The following CSMD2 variants were observed in gnomAD, a reference collection of about 807,000 sequenced individuals.
CSMD2 encodes the protein CUB and Sushi multiple domains 2.
Under a neutral mutation model 398.5 loss-of-function variants are expected in CSMD2, and 130 were observed. That is an observed-to-expected ratio of 0.33 (90% CI 0.28 to 0.38). The LOEUF (loss-of-function observed/expected upper bound fraction) is 0.38. Among genes scored for constraint, CSMD2 ranks in the 10% least tolerant of loss-of-function variants. CSMD2 has a pLI of 1.00. For missense variants in CSMD2, 3,829 were observed against 4,764.9 expected, an observed-to-expected ratio of 0.80 and a Z score of 5.78; for synonymous variants, 1,828 against 1,908.5, an observed-to-expected ratio of 0.96 and a Z score of 1.10.
intron 29 of CSMD2, among the ~76,000 whole-genome samples, chr1:33,642,454 A>G (rs967829425): frequency 2.0e-5 from 3 of 152,248 alleles, no homozygotes; most frequent in Admixed American, 1.3e-4. Context: ...ATGGAAAAGC[A>G]AGGAAAATTG....
chr1:33,558,066 G>C, intron 54 of CSMD2, 144 bp from the exon 55 acceptor site: 2 of 661,560 alleles, frequency 3.0e-6, no homozygotes, highest in East Asian at 2.7e-5. Flanking sequence ...TTGGTTACCT[G>C]GTCAGAAGAG....
Position 33,606,729 on chromosome 1 carries a change from G to C in CSMD2, c.6344-1259C>G, listed in dbSNP as rs1019122158. ...AGACGGGGAGAGAAGGAAGGGAGTGGCTGTGTGTGGGAAGCCAGGAGCAGC... is the reference window on the plus strand; with the variant it reads ...AGACGGGGAGAGAAGGAAGGGAGTGCCTGTGTGTGGGAAGCCAGGAGCAGC... On this transcript the variant is annotated intron_variant, in intron 41 of 70. Coordinates refer to ENST00000373381, the MANE Select transcript of CSMD2 (RefSeq NM_001281956.2). Among the ~76,000 whole-genome samples, 19 of 152,198 alleles carry C rather than the reference G, an allele frequency of 1.2e-4. 1 individual carries two copies. The highest frequency in any genetic ancestry group is 1.1e-3 in the Admixed American group (17 of 15,282).
intron 5 of CSMD2, among the ~76,000 whole-genome samples, chr1:33,888,780 G>GTTGTTGTTGTTGTTA (rs1428504730): frequency 6.6e-6 from 1 of 151,914 alleles, no homozygotes; most frequent in Non-Finnish European, 1.5e-5. Context: ...TGTTGTTGTT[G>GTTGTTGTTGTTGTTA]TTGTTGAGAT....
At chr1:34,001,434 C>A (rs552280931) in intron 3 of CSMD2, among the ~76,000 whole-genome samples, 66 of 152,260 alleles carry the variant, frequency 4.3e-4, no homozygotes, top group Non-Finnish European at 8.2e-4. Context: ...GGCAGAAACA[C>A]CAAGCTAAAC....
intron 37 of CSMD2, among the ~76,000 whole-genome samples, chr1:33,621,539 A>G (rs1200971878): frequency 1.2e-4 from 19 of 152,208 alleles, no homozygotes; most frequent in Admixed American, 1.2e-3. Context: ...TTGCCGAATA[A>G]AAGTGTAAAA....
chr1:33,586,415 G>C, intron 46 of CSMD2, 89 bp downstream of exon 46: 1 of 818,534 alleles, frequency 1.2e-6, no homozygotes, highest in African/African-American at 1.7e-5. Context: ...TGACTGAGCT[G>C]AGAACTGGGA....
intron 3 of CSMD2, among the ~76,000 whole-genome samples, chr1:33,969,672 A>AT (rs1370232561): frequency 6.6e-6 from 1 of 152,234 alleles, no homozygotes; most frequent in Non-Finnish European, 1.5e-5. Context: ...AAAGGCAGAA[A>AT]TTCAGTCAGT....
chr1:33,837,262 G>A lies in CSMD2; in HGVS notation c.1033+9622C>T, dbSNP rs181834710. On this transcript the variant is annotated intron_variant, in intron 6 of 70. Transcript: ENST00000373381. ...TGTGAGAGTCAGAGAACAAAGGCAG[G>A]TCTCCAAAACTCCAGAGTGCACTAC... Among the ~76,000 whole-genome samples, 115 of 152,214 alleles carry A rather than the reference G, an allele frequency of 7.6e-4. 1 individual carries two copies. The highest frequency in any genetic ancestry group is 1.4e-3 in the Admixed American group (21 of 15,296).
chr1:33,707,915 T>G (rs1645859770), intron 22 of CSMD2, among the ~76,000 whole-genome samples: 1 of 152,182 alleles, frequency 6.6e-6, no homozygotes, highest in Non-Finnish European at 1.5e-5. Context: ...CTTTTTCCAA[T>G]GTAAGGACTT....
chr1:33,703,877 G>A (rs1645690432), intron 22 of CSMD2, among the ~76,000 whole-genome samples: 1 of 152,170 alleles, frequency 6.6e-6, no homozygotes, highest in Non-Finnish European at 1.5e-5. Flanking sequence ...AATTTGATGA[G>A]TGTAAAGTGG....
intron 64 of CSMD2, among the ~76,000 whole-genome samples, chr1:33,529,086 G>C (rs1311940627): frequency 6.6e-6 from 1 of 152,116 alleles, no homozygotes; most frequent in Non-Finnish European, 1.5e-5. Context: ...TCTTAAAAAA[G>C]AACAAAGTTG....
At chr1:33,607,425 G>A (rs185937200) in intron 41 of CSMD2, among the ~76,000 whole-genome samples, 84 of 152,326 alleles carry the variant, frequency 5.5e-4, no homozygotes, top group Admixed American at 2.8e-3. Flanking sequence ...CAAATGGCTC[G>A]TTCATTGAAG....
intron 6 of CSMD2, among the ~76,000 whole-genome samples, chr1:33,828,293 G>A (rs567517661): frequency 6.6e-6 from 1 of 152,214 alleles, no homozygotes; most frequent in Non-Finnish European, 1.5e-5. Flanking sequence ...GCGGCAGGGG[G>A]ATAGCCCTCT....
chr1:33,954,086 C>A (rs915492607), intron 3 of CSMD2, among the ~76,000 whole-genome samples: 1 of 152,066 alleles, frequency 6.6e-6, no homozygotes, highest in Middle Eastern at 3.2e-3. Context: ...CTATGTGGAC[C>A]CAGGCAGATA....
At chr1:34,150,416 C>CT (rs1640197788) in intron 1 of CSMD2, among the ~76,000 whole-genome samples, 1 of 152,128 alleles carries the variant, frequency 6.6e-6, no homozygotes, top group Non-Finnish European at 1.5e-5. Flanking sequence ...GAAACCTGTA[C>CT]AGTGGTTAAG....
intron 67 of CSMD2, among the ~76,000 whole-genome samples, chr1:33,522,369 G>C (rs917103793): frequency 6.6e-6 from 1 of 152,202 alleles, no homozygotes; most frequent in Non-Finnish European, 1.5e-5. Flanking sequence ...TGCACTGCTA[G>C]CTCCATGTCC....
rs750255641 is a variant in CSMD2, at chr1:33,569,512, C to T, written c.7993G>A (p.Gly2665Ser). 5.6e-6 allele frequency: 9 copies of T among 1,614,170 alleles called. No individual in the cohort carries two copies. The highest frequency in any genetic ancestry group is 7.6e-6 in the Non-Finnish European group (9 of 1,180,024). Residue 2665 changes from glycine (G) to serine (S), a missense_variant, in exon 52 of 71, where the codon GGC becomes AGC. By Grantham distance (56) the Gly-to-Ser change is moderately conservative. Around this residue, in one of 5 missense-constraint regions of CSMD2, gnomAD observed 723 missense variants for 758.6 expected, o/e 0.95. Coordinates refer to ENST00000373381, the MANE Select transcript of CSMD2 (RefSeq NM_001281956.2). The stretch of plus-strand genomic sequence containing the variant: ...ACAGACAGTGTTCCGATGCGGTGGC[C>T]ATTGGGGGGAATCGGGAGCTCTCCA... ...SCGELPIPPN[G>S]HRIGTLSVYG... is the part of the protein sequence containing the mutation.
At chr1:33,858,900 G>A (rs1639287212) in intron 5 of CSMD2, among the ~76,000 whole-genome samples, 1 of 152,236 alleles carries the variant, frequency 6.6e-6, no homozygotes, top group Non-Finnish European at 1.5e-5. Context: ...TAACTGCTAA[G>A]TGAATTAGTG....
At chr1:33,786,276 G>A (rs1004573827) in intron 12 of CSMD2, among the ~76,000 whole-genome samples, 1 of 152,188 alleles carries the variant, frequency 6.6e-6, no homozygotes, top group African/African-American at 2.4e-5. Context: ...TTAAGGGCAT[G>A]AGGATGACAT....
Sources: allele counts gnomAD v4.1 joint callset (sites outside exome capture counted in the v4.1 genomes callset), GRCh38; gene constraint gnomAD v4.1.1; regional missense constraint gnomAD v4.1.1; transcripts MANE v1.5; gene names NCBI Gene and HGNC (gene_info 2026-07-23, HGNC 2026-07-21).